Variants in NCALD observed in about 807,000 individuals in gnomAD.
NCALD encodes neurocalcin-delta.
Under a neutral mutation model 18.6 loss-of-function variants are expected in NCALD, and 10 were observed. The ratio of observed to expected loss-of-function variants is 0.54; its 90% CI spans 0.33 to 0.91. The LOEUF (loss-of-function observed/expected upper bound fraction) is 0.91. NCALD is among the 40% of genes least tolerant of loss of function. The pLI is 0.03. For missense variants in NCALD, 184 were observed against 247.6 expected (o/e 0.74, Z 1.72); for synonymous variants, 88 against 87.4 (o/e 1.01, Z -0.04).
At chr8:101,947,878 A>G (rs1482694252) in intron 2 of NCALD, among the ~76,000 whole-genome samples, 1 of 152,230 alleles carries the variant, frequency 6.6e-6, no homozygotes, top group Non-Finnish European at 1.5e-5. Flanking sequence ...CAACAGCTTC[A>G]CGTGCAAAGG....
At chr8:101,887,281 A>G (rs1177701387) in intron 3 of NCALD, 1 of 152,206 alleles carries the variant, frequency 6.6e-6, no homozygotes, top group Non-Finnish European at 1.5e-5. Flanking sequence ...ACAGCTCTGT[A>G]AAAGTTTTGG....
chr8:101,853,167 T>C (rs1815167623), intron 4 of NCALD, among the ~76,000 whole-genome samples: 1 of 152,192 alleles, frequency 6.6e-6, no homozygotes. Context: ...TCATGAGCAT[T>C]AAATAAATTA....
At chr8:102,040,536 T>G (rs999692181) in intron 1 of NCALD, among the ~76,000 whole-genome samples, 8 of 151,912 alleles carry the variant, frequency 5.3e-5, no homozygotes, top group Non-Finnish European at 1.0e-4. Context: ...ATAAAGAGCT[T>G]GTGTATCAAC....
intron 1 of NCALD, among the ~76,000 whole-genome samples, chr8:102,047,010 T>C (rs1823269039): frequency 6.6e-6 from 1 of 152,204 alleles, no homozygotes; most frequent in Admixed American, 6.5e-5. Context: ...CGTCTGTTGT[T>C]TCCTTCTTTG....
chr8:101,965,024 C>T (rs1819969982), intron 2 of NCALD, among the ~76,000 whole-genome samples: 1 of 152,180 alleles, frequency 6.6e-6, no homozygotes, highest in Non-Finnish European at 1.5e-5. Flanking sequence ...AGCTCATCAT[C>T]ACTGGCCATT....
chr8:101,742,483 G>A (rs1259660038), intron 1 of NCALD, among the ~76,000 whole-genome samples: 1 of 152,058 alleles, frequency 6.6e-6, no homozygotes, highest in Admixed American at 6.5e-5. Flanking sequence ...AGAAAATTAT[G>A]CAAATATAGA....
chr8:101,920,263 GA>G (rs1234078528), intron 2 of NCALD, among the ~76,000 whole-genome samples: 1 of 151,734 alleles, frequency 6.6e-6, no homozygotes, highest in African/African-American at 2.4e-5. Context: ...TCTCAAGGGG[GA>G]AAAAAAGAAA....
chr8:101,971,030 C>T (rs1474003318), intron 2 of NCALD, among the ~76,000 whole-genome samples: 1 of 152,084 alleles, frequency 6.6e-6, no homozygotes, highest in African/African-American at 2.4e-5. Context: ...TTGCACATGC[C>T]CGTCTGCCTT....
At chr8:101,712,587 C>CAAACA (rs1815852087) in intron 2 of NCALD, among the ~76,000 whole-genome samples, 1 of 78,910 alleles carries the variant, frequency 1.3e-5, no homozygotes, top group Non-Finnish European at 2.5e-5. Flanking sequence ...AAATGGAAAG[C>CAAACA]AAAAAAAAAA....
intron 2 of NCALD, among the ~76,000 whole-genome samples, chr8:101,941,439 C>G (rs1818952393): frequency 1.3e-5 from 2 of 152,236 alleles, no homozygotes; most frequent in East Asian, 1.9e-4. Context: ...CCTGGGCAAC[C>G]TGGTTCCTAA....
At chr8:101,823,242 C>T (rs867903923) in intron 4 of NCALD, among the ~76,000 whole-genome samples, 10 of 152,094 alleles carry the variant, frequency 6.6e-5, no homozygotes, top group Admixed American at 4.6e-4. Context: ...GTTTTCCTCC[C>T]GCTATTAGCA....
chr8:101,817,059 T>C (rs1240915491), intron 4 of NCALD, among the ~76,000 whole-genome samples: 4 of 152,134 alleles, frequency 2.6e-5, no homozygotes, highest in Admixed American at 2.6e-4. Flanking sequence ...CAGAAGATGA[T>C]ATTTTCATCA....
chr8:101,966,863 G>A (rs1425633668), intron 2 of NCALD, among the ~76,000 whole-genome samples: 1 of 151,996 alleles, frequency 6.6e-6, no homozygotes, highest in Non-Finnish European at 1.5e-5. Context: ...CAAAAACATT[G>A]CATAATTAAA....
intron 3 of NCALD, among the ~76,000 whole-genome samples, chr8:101,897,946 T>G (rs1423124196): frequency 1.3e-5 from 2 of 152,218 alleles, no homozygotes; most frequent in Admixed American, 6.5e-5. Context: ...TCCCCCAATG[T>G]GTTCTCATGA....
At chr8:101,852,312 C>G (rs1032379800) in intron 4 of NCALD, among the ~76,000 whole-genome samples, 1 of 152,184 alleles carries the variant, frequency 6.6e-6, no homozygotes, top group Non-Finnish European at 1.5e-5. Flanking sequence ...CTCCTAACAC[C>G]TTTTATGTCC....
intron 2 of NCALD, among the ~76,000 whole-genome samples, chr8:102,015,023 T>C (rs10505017): frequency 0.16 from 24,531 of 152,108 alleles, 2,704 homozygotes; most frequent in African/African-American, 0.31. Flanking sequence ...ATAAGCAAGC[T>C]GAAAGTTGAG....
upstream of NCALD, among the ~76,000 whole-genome samples, chr8:101,792,707 T>C (rs1041223646): frequency 6.6e-6 from 1 of 152,184 alleles, no homozygotes; most frequent in African/African-American, 2.4e-5. Context: ...CAGAGAAACA[T>C]ACCCTTCTAG....
At chr8:101,969,317 C>T (rs1437405611) in intron 2 of NCALD, among the ~76,000 whole-genome samples, 1 of 152,188 alleles carries the variant, frequency 6.6e-6, no homozygotes, top group Non-Finnish European at 1.5e-5. Flanking sequence ...GGTGAATTCA[C>T]TACTCAGAAT....
At chr8:101,870,311 A>G (rs1815952243) in intron 4 of NCALD, among the ~76,000 whole-genome samples, 1 of 152,228 alleles carries the variant, frequency 6.6e-6, no homozygotes, top group Admixed American at 6.5e-5. Context: ...ACAAATACCT[A>G]ATAAGAAAAC....
Sources: allele counts gnomAD v4.1 joint callset (sites outside exome capture counted in the v4.1 genomes callset), GRCh38; gene constraint gnomAD v4.1.1; transcripts MANE v1.5; gene names NCBI Gene and HGNC (gene_info 2026-07-23, HGNC 2026-07-21).